SATL1: variants seen among roughly 807,000 people sequenced by gnomAD.
SATL1 encodes the protein spermidine/spermine N1-acetyl transferase like 1.
Under a neutral mutation model 51.8 loss-of-function variants are expected in SATL1, and 47 were observed. The ratio of observed to expected loss-of-function variants is 0.91; its 90% CI spans 0.72 to 1.16. SATL1 has a LOEUF of 1.16. Among genes scored for constraint, SATL1 ranks in the 50% most tolerant of loss-of-function variants. SATL1 has a pLI of 0.00. For synonymous variants in SATL1, 176 were observed against 182.4 expected, an observed-to-expected ratio of 0.97 and a Z score of 0.28; for missense variants, 520 against 526.4, an observed-to-expected ratio of 0.99 and a Z score of 0.12.
chrX:85,123,088 C>T lies in SATL1; in HGVS notation c.-312-13808G>A, dbSNP rs750573767. On this transcript the variant is annotated intron_variant, in intron 2 of 7. Transcript: ENST00000644105. ...ATGGGCATTTAGGTTGATTCCATGC[C>T]TTTGCTATTGTGAATAGTGCTACAA... is the stretch of plus-strand genomic sequence containing the variant. Among the ~76,000 whole-genome samples, 5 of 111,350 alleles carry T rather than the reference C, an allele frequency of 4.5e-5. No individual in the cohort carries two copies. In the South Asian group the frequency reaches 1.9e-3, roughly 42 times the overall value.
intron 2 of SATL1, among the ~76,000 whole-genome samples, chrX:85,162,698 C>A (rs1419580689): frequency 1.8e-5 from 2 of 111,243 alleles, no homozygotes; most frequent in Admixed American, 9.6e-5. Context: ...GCTTTTATTA[C>A]CTTGAGGTCT....
At chrX:85,226,674 T>C (rs1373202400) in intron 1 of SATL1, among the ~76,000 whole-genome samples, 10 of 110,963 alleles carry the variant, frequency 9.0e-5, no homozygotes, top group Non-Finnish European at 1.7e-4. Context: ...TATATATTAA[T>C]AAATGTTCAG....
chrX:85,113,901 G>A (rs1266535678), intron 2 of SATL1, among the ~76,000 whole-genome samples: 2 of 111,062 alleles, frequency 1.8e-5, no homozygotes, highest in Admixed American at 9.6e-5. Flanking sequence ...GGGATCCCTG[G>A]GCCCGTCAGA....
chrX:85,158,171 C>A (rs767445528), intron 2 of SATL1, among the ~76,000 whole-genome samples: 1 of 110,259 alleles, frequency 9.1e-6, no homozygotes, highest in South Asian at 3.8e-4. Flanking sequence ...AGCTAGCTCA[C>A]ACACACAACC....
At chrX:85,146,972 G>A (rs180908306) in intron 2 of SATL1, among the ~76,000 whole-genome samples, 3 of 112,687 alleles carry the variant, frequency 2.7e-5, no homozygotes, top group Non-Finnish European at 5.6e-5. Flanking sequence ...GTGGGCGCAG[G>A]ACAGTGGGTG....
intron 4 of SATL1, 54 bp downstream of exon 4, chrX:85,103,810 A>G (rs1022339140): frequency 6.0e-6 from 5 of 835,802 alleles, no homozygotes; most frequent in Middle Eastern, 2.8e-4. Context: ...CACATATCTA[A>G]GTAGTACTGT....
Position 85,127,116 on chromosome X carries a change from T to C in SATL1, c.-312-17836A>G, listed in dbSNP as rs142701056. Among the ~76,000 whole-genome samples the C allele has an allele frequency of 6.5e-3, 720 of 111,295 alleles. 8 individuals are homozygous for C. Among genetic ancestry groups the C allele is most frequent in the African/African-American group, 0.022 (690 of 30,667 alleles). On this transcript the variant is annotated intron_variant, in intron 2 of 7. Transcript: ENST00000644105. ...TGCTGATTCAGAGTCCTATGCAATATACTGTGATCTAGTGTACAATTTATA... is the reference window on the plus strand; with the variant it reads ...TGCTGATTCAGAGTCCTATGCAATACACTGTGATCTAGTGTACAATTTATA...
chrX:85,092,928 CCTT>C (rs754124765), intron 7 of SATL1: 5 of 329,249 alleles, frequency 1.5e-5, no homozygotes, highest in Non-Finnish European at 2.6e-5. Context: ...TAATCTCCCT[CCTT>C]CTTACTTTCC....
chrX:85,142,257 G>A (rs190066798), intron 2 of SATL1, among the ~76,000 whole-genome samples: 6 of 106,528 alleles, frequency 5.6e-5, no homozygotes, highest in Admixed American at 2.0e-4. Context: ...TTAGCCAGGC[G>A]TGGTGGCGGG....
At chrX:85,191,868 T>C (rs1248244778) in intron 2 of SATL1, among the ~76,000 whole-genome samples, 1 of 111,390 alleles carries the variant, frequency 9.0e-6, no homozygotes, top group Non-Finnish European at 1.9e-5. Context: ...ACATGCACAG[T>C]TCAAACCTGC....
At chrX:85,148,501 G>A (rs920520872) in intron 2 of SATL1, among the ~76,000 whole-genome samples, 11 of 110,213 alleles carry the variant, frequency 1.0e-4, no homozygotes, top group Non-Finnish European at 3.8e-5. Context: ...GCAACTCCAA[G>A]ACACATAATT....
At position 85,241,711 on chromosome X, in the gene SATL1, T is replaced by C. The variant is rs186695588; in HGVS notation, c.-435+1877A>G. Among the ~76,000 whole-genome samples, 10 of 111,917 alleles carry C rather than the reference T, an allele frequency of 8.9e-5. No homozygotes were observed. The East Asian group carries it at 2.8e-3, about 32-fold the overall frequency. On this transcript the variant is annotated intron_variant, in intron 1 of 7. Transcript: ENST00000644105. ...ATCCTAGACTTCTAGTGGAAACTGA[T>C]AGCAATGTTTAAGCAGGGGAGTAAG... is the stretch of plus-strand genomic sequence containing the variant.
chrX:85,160,206 G>A (rs1332443850), intron 2 of SATL1, among the ~76,000 whole-genome samples: 2 of 110,956 alleles, frequency 1.8e-5, no homozygotes, highest in Non-Finnish European at 3.8e-5. Context: ...TTTAAAGATG[G>A]AAGGAATATC....
intron 2 of SATL1, among the ~76,000 whole-genome samples, chrX:85,194,569 G>A (rs983291470): frequency 2.7e-5 from 3 of 111,075 alleles, no homozygotes; most frequent in Non-Finnish European, 5.7e-5. Flanking sequence ...CACTCACTAT[G>A]TCTGGGCATA....
chrX:85,226,597 T>C (rs5923284), intron 1 of SATL1, among the ~76,000 whole-genome samples: 50,771 of 110,125 alleles, frequency 0.46, 10,192 homozygotes, highest in South Asian at 0.64. Context: ...TCTTATTGAG[T>C]TATACTACTC....
chrX:85,118,982 T>C (rs750759916), intron 2 of SATL1, among the ~76,000 whole-genome samples: 3 of 112,016 alleles, frequency 2.7e-5, no homozygotes, highest in Non-Finnish European at 5.6e-5. Flanking sequence ...TTACATATAA[T>C]ATTTCAAAAA....
At chrX:85,237,403 C>G (rs1355692252) in intron 1 of SATL1, among the ~76,000 whole-genome samples, 1 of 110,940 alleles carries the variant, frequency 9.0e-6, no homozygotes, top group African/African-American at 3.3e-5. Context: ...TATCCAGAAA[C>G]AAATCCACAC....
chrX:85,101,151 G>T (rs1254270137), intron 4 of SATL1, among the ~76,000 whole-genome samples: 1 of 112,182 alleles, frequency 8.9e-6, no homozygotes, highest in East Asian at 2.8e-4. Flanking sequence ...TGATTTCTTG[G>T]ATATAACACC....
At chrX:85,193,108 C>T (rs1273212634) in intron 2 of SATL1, among the ~76,000 whole-genome samples, 2 of 111,538 alleles carry the variant, frequency 1.8e-5, no homozygotes, top group African/African-American at 3.3e-5. Flanking sequence ...AATAATGGTA[C>T]TATATATTCC....
Sources: gnomAD v4.1 joint callset for allele counts (sites outside exome capture counted in the v4.1 genomes callset) on GRCh38, gnomAD v4.1.1 for gene constraint, MANE v1.5 for transcripts, NCBI Gene and HGNC (gene_info 2026-07-23, HGNC 2026-07-21) for gene names.